The following CEMIP variants were observed in gnomAD, a reference collection of about 807,000 sequenced individuals.
The protein encoded by CEMIP is cell migration-inducing and hyaluronan-binding protein.
In CEMIP, 105 loss-of-function variants were observed where a neutral mutation model predicts 156.9. The observed-to-expected ratio is 0.67, with a 90% CI of 0.57 to 0.79. CEMIP has a LOEUF of 0.79. Among genes scored for constraint, CEMIP ranks in the 30% least tolerant of loss-of-function variants. The pLI is 0.00. For missense variants in CEMIP, 1,457 were observed against 1,769.4 expected, an observed-to-expected ratio of 0.82 and a Z score of 3.17; for synonymous variants, 676 against 668.4, an observed-to-expected ratio of 1.01 and a Z score of -0.17.
chr15:80,822,962 A>G (rs1177588157), intron 1 of CEMIP, among the ~76,000 whole-genome samples: 1 of 152,200 alleles, frequency 6.6e-6, no homozygotes, highest in Admixed American at 6.5e-5. Context: ...CTGGGAGTCC[A>G]GGGGCCAGAA....
chr15:80,858,677 G>A (rs752252348), intron 1 of CEMIP, among the ~76,000 whole-genome samples: 1 of 151,882 alleles, frequency 6.6e-6, no homozygotes, highest in Non-Finnish European at 1.5e-5. Flanking sequence ...GTGAGCCAAG[G>A]TTGCGCCATT....
At chr15:80,900,375 G>A (rs890644274) in intron 12 of CEMIP, among the ~76,000 whole-genome samples, 2 of 152,166 alleles carry the variant, frequency 1.3e-5, no homozygotes, top group Non-Finnish European at 2.9e-5. Flanking sequence ...GATAAGTGGA[G>A]AAGATCCTGC....
chr15:80,820,698 G>A (rs1301055014), intron 1 of CEMIP, among the ~76,000 whole-genome samples: 1 of 152,242 alleles, frequency 6.6e-6, no homozygotes, highest in Admixed American at 6.5e-5. Flanking sequence ...TTTAATTCCC[G>A]AGGACAGTGA....
chr15:80,944,726 C>T (rs1178391742), intron 28 of CEMIP, among the ~76,000 whole-genome samples: 1 of 152,140 alleles, frequency 6.6e-6, no homozygotes, highest in Admixed American at 6.5e-5. Context: ...CAAGGTTGAC[C>T]AAATTGGGAA....
Position 80,932,106 on chromosome 15 carries a change from G to A in CEMIP, c.2793+67G>A. ...TTGGATGGTGATTCACAAGTCCCCT[G>A]GGTCCCAGAGTTTGAGCTATTGCCA... On this transcript the variant is annotated intron_variant, in intron 22 of 29. Coordinates refer to ENST00000394685, the MANE Select transcript of CEMIP (RefSeq NM_001293298.2). The surrounding 1 kb of genome is among the most constrained non-coding windows in gnomAD (Gnocchi z 4.5). The A allele has an allele frequency of 6.3e-7, 1 of 1,576,220 alleles. No individual in the cohort carries two copies. The highest frequency in any genetic ancestry group is 1.7e-5 in the Admixed American group (1 of 59,954).
chr15:80,854,229 C>T lies in CEMIP; in HGVS notation c.-175-19309C>T, dbSNP rs75432918. ...AGCCTCTGGAAGATCTTAGGCAACA[C>T]GGCCGACTAGAGCTGAACCTAGGCC... On this transcript the variant is annotated intron_variant, in intron 1 of 29. Coordinates refer to ENST00000394685, the MANE Select transcript of CEMIP (RefSeq NM_001293298.2). Among the ~76,000 whole-genome samples the T allele has an allele frequency of 2.8e-3, 426 of 152,376 alleles. 4 individuals are homozygous for T. Among genetic ancestry groups the T allele is most frequent in the African/African-American group, 9.7e-3 (404 of 41,590 alleles).
rs141605268 is a variant in CEMIP, at chr15:80,945,201, G to A, written c.3858-1764G>A. 5.9e-5 allele frequency among the ~76,000 whole-genome samples: 9 copies of A among 152,308 alleles called. No individual in the cohort carries two copies. The East Asian group carries it at 1.4e-3, about 23-fold the overall frequency. On this transcript the variant is annotated intron_variant, in intron 28 of 29. Coordinates refer to ENST00000394685, the MANE Select transcript of CEMIP (RefSeq NM_001293298.2). ...ACTCTGTGGGAGACTGTGCTGGCTG[G>A]GGCATGGGCTTATAGGCCATGAGGA... is the stretch of plus-strand genomic sequence containing the variant.
At chr15:80,853,332 AG>A (rs2141743412) in intron 1 of CEMIP, among the ~76,000 whole-genome samples, 1 of 152,324 alleles carries the variant, frequency 6.6e-6, no homozygotes, top group South Asian at 2.1e-4. Context: ...GCAGGAATAA[AG>A]CCAGGCCGCA....
intron 1 of CEMIP, among the ~76,000 whole-genome samples, chr15:80,789,960 A>G (rs1010951147): frequency 3.9e-5 from 6 of 152,130 alleles, no homozygotes; most frequent in Non-Finnish European, 8.8e-5. Context: ...CACCCCTCTG[A>G]GCTCAGGGGG....
At chr15:80,780,340 A>G (rs1895758335) in intron 1 of CEMIP, among the ~76,000 whole-genome samples, 1 of 152,228 alleles carries the variant, frequency 6.6e-6, no homozygotes, top group Non-Finnish European at 1.5e-5. Context: ...TTGTGAGGAA[A>G]GGCAGAGAGT....
rs189565068 is a variant in CEMIP at position 80,860,932 on chromosome 15, G to A, written c.-175-12606G>A. Among the ~76,000 whole-genome samples, 5 of 152,052 alleles carry A rather than the reference G, an allele frequency of 3.3e-5. No individual in the cohort carries two copies. In the South Asian group the frequency reaches 8.3e-4, roughly 25 times the overall value. On this transcript the variant is annotated intron_variant, in intron 1 of 29. Coordinates refer to ENST00000394685, the MANE Select transcript of CEMIP (RefSeq NM_001293298.2). ...CCTAACCCCATTGTCTCTTCCTTCCGGTGCCTGCTCCAATGCCACCTTATC... is the reference window on the plus strand; with the variant it reads ...CCTAACCCCATTGTCTCTTCCTTCCAGTGCCTGCTCCAATGCCACCTTATC...
At chr15:80,840,947 C>A (rs1011524524) in intron 1 of CEMIP, among the ~76,000 whole-genome samples, 16 of 152,230 alleles carry the variant, frequency 1.1e-4, no homozygotes, top group African/African-American at 3.9e-4. Context: ...AGTTCTCTGT[C>A]CTCACTGGCC....
At chr15:80,900,303 TC>T in intron 12 of CEMIP, among the ~76,000 whole-genome samples, 1 of 142,708 alleles carries the variant, frequency 7.0e-6, no homozygotes, top group South Asian at 2.4e-4. Context: ...CTTCTGGAGG[TC>T]CCTGAAGGCT....
At chr15:80,856,939 T>C (rs1347400589) in intron 1 of CEMIP, among the ~76,000 whole-genome samples, 1 of 152,198 alleles carries the variant, frequency 6.6e-6, no homozygotes, top group Non-Finnish European at 1.5e-5. Flanking sequence ...CCCAGGGCAG[T>C]AAAACAGGCC....
chr15:80,889,201 C>T (rs1898954069), intron 9 of CEMIP, among the ~76,000 whole-genome samples: 1 of 152,230 alleles, frequency 6.6e-6, no homozygotes, highest in Non-Finnish European at 1.5e-5. Flanking sequence ...GATGGATTTT[C>T]TTTCTTTTCT....
Position 80,936,115 on chromosome 15 carries a change from G to A in CEMIP, c.3010-559G>A, listed in dbSNP as rs192993737. 1.2e-4 allele frequency among the ~76,000 whole-genome samples: 18 copies of A among 152,330 alleles called. No homozygotes were observed. The East Asian group carries it at 3.3e-3, about 28-fold the overall frequency. On this transcript the variant is annotated intron_variant, in intron 23 of 29. Coordinates refer to ENST00000394685, the MANE Select transcript of CEMIP (RefSeq NM_001293298.2). Reference sequence around the variant, plus strand: ...CTGGAACTCAATGGCTGACAGTCTTGCTTTCAGTTTTTCCTCTGAAATGAG... The same window carrying A: ...CTGGAACTCAATGGCTGACAGTCTTACTTTCAGTTTTTCCTCTGAAATGAG...
intron 1 of CEMIP, among the ~76,000 whole-genome samples, chr15:80,862,426 C>G (rs1898009551): frequency 6.6e-6 from 1 of 152,200 alleles, no homozygotes; most frequent in Admixed American, 6.5e-5. Flanking sequence ...GCTGGAGGGA[C>G]AGTCGGGAGA....
intron 1 of CEMIP, among the ~76,000 whole-genome samples, chr15:80,790,658 T>A (rs1160720336): frequency 6.6e-6 from 1 of 152,198 alleles, no homozygotes; most frequent in Non-Finnish European, 1.5e-5. Flanking sequence ...TCATAATAAC[T>A]AATGTTGCTC....
intron 6 of CEMIP, among the ~76,000 whole-genome samples, chr15:80,882,757 TAC>T (rs67853416): frequency 0.18 from 26,168 of 149,520 alleles, 2,308 homozygotes; most frequent in African/African-American, 0.21. Context: ...TGCACACACA[TAC>T]ACACACACAC....
Sources: gnomAD v4.1 joint callset for allele counts (sites outside exome capture counted in the v4.1 genomes callset) on GRCh38, gnomAD v4.1.1 for gene constraint, Gnocchi (gnomAD v3.1) non-coding constraint, MANE v1.5 for transcripts, NCBI Gene and HGNC (gene_info 2026-07-23, HGNC 2026-07-21) for gene names.